SOCS5: variants seen among roughly 807,000 people sequenced by gnomAD.
SOCS5 encodes the protein suppressor of cytokine signaling 5.
In SOCS5, 32 loss-of-function variants were observed where a neutral mutation model predicts 42.8. The observed-to-expected ratio is 0.75, with a 90% confidence interval of 0.56 to 1.01. The LOEUF is 1.01. Among genes scored for constraint, SOCS5 ranks in the 50% least tolerant of loss-of-function variants. The probability of loss-of-function intolerance (pLI) is 0.00; values close to 1 mark genes in which losing one functional copy is unlikely to be tolerated. For missense variants in SOCS5, 627 were observed against 653.0 expected (o/e 0.96, Z 0.43); for synonymous variants, 283 against 229.6 (o/e 1.23, Z -2.10).
At chr2:46,700,169 A>G (rs1373090541) in intron 1 of SOCS5, among the ~76,000 whole-genome samples, 3 of 152,212 alleles carry the variant, frequency 2.0e-5, no homozygotes, top group African/African-American at 7.2e-5. Flanking sequence ...TGCTAAAAAA[A>G]CAGTGTAAAT....
chr2:46,728,147 G>A (rs1346713677), intron 1 of SOCS5, among the ~76,000 whole-genome samples: 1 of 152,134 alleles, frequency 6.6e-6, no homozygotes, highest in Non-Finnish European at 1.5e-5. Flanking sequence ...TTTCCCCCAA[G>A]TCCAGGTGGC....
chr2:46,726,666 C>T (rs1355603113), intron 1 of SOCS5, among the ~76,000 whole-genome samples: 3 of 151,928 alleles, frequency 2.0e-5, no homozygotes, highest in Non-Finnish European at 2.9e-5. Context: ...CACTGACTTT[C>T]CTATGTCATC....
At chr2:46,723,175 A>T (rs1437074389) in intron 1 of SOCS5, among the ~76,000 whole-genome samples, 3 of 151,500 alleles carry the variant, frequency 2.0e-5, no homozygotes, top group Non-Finnish European at 3.0e-5. Flanking sequence ...CCAGTTCATA[A>T]TTTTTTTTTC....
At chr2:46,716,816 G>A (rs1672756165) in intron 1 of SOCS5, among the ~76,000 whole-genome samples, 1 of 152,142 alleles carries the variant, frequency 6.6e-6, no homozygotes, top group Non-Finnish European at 1.5e-5. Context: ...TTTGTTTTCA[G>A]GGTTTTTTGT....
chr2:46,741,054 C>T (rs893926471), intron 1 of SOCS5, among the ~76,000 whole-genome samples: 1 of 152,088 alleles, frequency 6.6e-6, no homozygotes, highest in African/African-American at 2.4e-5. Context: ...TTTGCGATTC[C>T]TTTCTCCATT....
chr2:46,701,217 G>C (rs1672335410), intron 1 of SOCS5, among the ~76,000 whole-genome samples: 1 of 152,198 alleles, frequency 6.6e-6, no homozygotes, highest in Non-Finnish European at 1.5e-5. Flanking sequence ...GCAAACCAGT[G>C]ATTAGGGAAG....
chr2:46,741,250 A>G (rs1400321038), intron 1 of SOCS5, among the ~76,000 whole-genome samples: 1 of 152,026 alleles, frequency 6.6e-6, no homozygotes, highest in African/African-American at 2.4e-5. Flanking sequence ...TTTTTCTTTT[A>G]TTTATTTGAA....
At chr2:46,744,881 T>C (rs919421998) in intron 1 of SOCS5, among the ~76,000 whole-genome samples, 1 of 150,484 alleles carries the variant, frequency 6.6e-6, no homozygotes, top group Non-Finnish European at 1.5e-5. Flanking sequence ...GGTTTCTATT[T>C]AGTGCTTGGG....
intron 1 of SOCS5, among the ~76,000 whole-genome samples, chr2:46,734,163 T>G (rs1250027243): frequency 6.6e-6 from 1 of 152,238 alleles, no homozygotes; most frequent in Non-Finnish European, 1.5e-5. Context: ...TTGGTGCTGT[T>G]TTTTATTTTC....
At chr2:46,722,333 G>GA (rs5830921) in intron 1 of SOCS5, among the ~76,000 whole-genome samples, 3 of 151,920 alleles carry the variant, frequency 2.0e-5, no homozygotes, top group Admixed American at 6.6e-5. Context: ...AGTCAAGGGG[G>GA]AAAAAAATCT....
At chr2:46,753,004 G>A (rs1371048637) in intron 1 of SOCS5, among the ~76,000 whole-genome samples, 2 of 152,054 alleles carry the variant, frequency 1.3e-5, no homozygotes, top group African/African-American at 2.4e-5. Context: ...TTGGACTCCT[G>A]CAGTAGTCTT....
At chr2:46,741,467 C>A (rs915261831) in intron 1 of SOCS5, among the ~76,000 whole-genome samples, 1 of 151,936 alleles carries the variant, frequency 6.6e-6, no homozygotes, top group African/African-American at 2.4e-5. Flanking sequence ...TGCACCTGGC[C>A]CCAAGATCTA....
chr2:46,733,906 A>G (rs188119045), intron 1 of SOCS5, among the ~76,000 whole-genome samples: 13 of 152,370 alleles, frequency 8.5e-5, no homozygotes, highest in Admixed American at 1.3e-4. Context: ...ACCATGTCCT[A>G]CAGTTTTCTA....
In SOCS5 at chr2:46,762,937, C is replaced by A. The variant is rs1230551331; in HGVS notation, c.*2796C>A. ...AGTGTGTATTATATATTTATGTATGCACATATATACATTTATGTTGTTAAT... is the reference window on the plus strand; with the variant it reads ...AGTGTGTATTATATATTTATGTATGAACATATATACATTTATGTTGTTAAT... On this transcript the variant is annotated 3_prime_UTR_variant, in exon 2 of 2. Coordinates refer to ENST00000394861, the MANE Select transcript of SOCS5 (RefSeq NM_144949.3). The A allele has an allele frequency of 6.0e-6, 1 of 166,950 alleles. No homozygotes were observed. Among genetic ancestry groups the A allele is most frequent in the Admixed American group, 6.6e-5 (1 of 15,258 alleles). 10.3% of individuals were successfully genotyped at this position (166,950 alleles called of 1,614,324 possible).
intron 1 of SOCS5, among the ~76,000 whole-genome samples, chr2:46,705,855 C>G (rs1425624464): frequency 2.0e-5 from 3 of 152,126 alleles, no homozygotes; most frequent in African/African-American, 7.2e-5. Flanking sequence ...TAGTTAAAAG[C>G]CAAGCCAGCA....
At chr2:46,709,937 G>A (rs1672579695) in intron 1 of SOCS5, among the ~76,000 whole-genome samples, 1 of 152,176 alleles carries the variant, frequency 6.6e-6, no homozygotes, top group South Asian at 2.1e-4. Flanking sequence ...TCCTAGACAT[G>A]AGAATTACCT....
In SOCS5 at chr2:46,718,710, A is replaced by C. The variant is rs1176777771; in HGVS notation, c.-13+19261A>C. On this transcript the variant is annotated intron_variant, in intron 1 of 1. Transcript: ENST00000394861. ...TACTACCAGAGATAATACTTTCTAA[A>C]AGATTTTTCTCTAGGCTTAAGAAAT... Among the ~76,000 whole-genome samples the C allele has an allele frequency of 2.6e-5, 4 of 152,310 alleles. No individual in the cohort carries two copies. In the East Asian group the frequency reaches 5.8e-4, roughly 22 times the overall value.
chr2:46,759,448 A>G lies in SOCS5; in HGVS notation c.918A>G (p.Gly306=). 3 of 1,613,992 alleles carry G rather than the reference A, an allele frequency of 1.9e-6. No individual in the cohort carries two copies. Among genetic ancestry groups the G allele is most frequent in the Non-Finnish European group, 2.5e-6 (3 of 1,179,860 alleles). The change falls in exon 2 of 2, where the codon GGA becomes GGG. Residue 306 remains glycine, a synonymous_variant. Transcript: ENST00000394861. ...LYKLGPKLAP[G]MTEISGDSSA... ...AACTGGGACCAAAATTAGCTCCTGG[A>G]ATGACTGAAATAAGTGGGGACAGTT...
intron 1 of SOCS5, among the ~76,000 whole-genome samples, chr2:46,723,107 G>A (rs964649118): frequency 1.3e-5 from 2 of 151,864 alleles, no homozygotes; most frequent in Non-Finnish European, 2.9e-5. Flanking sequence ...TCTATACTTT[G>A]CTTTTCATAC....
Sources: allele counts gnomAD v4.1 joint callset (sites outside exome capture counted in the v4.1 genomes callset), GRCh38; gene constraint gnomAD v4.1.1; transcripts MANE v1.5; gene names NCBI Gene and HGNC (gene_info 2026-07-23, HGNC 2026-07-21).